The following DMD variants were observed in gnomAD, a reference collection of about 807,000 sequenced individuals.
DMD encodes the protein mutant dystrophin.
A neutral mutation model predicts 330.1 loss-of-function variants in DMD; 63 were observed. The ratio of observed to expected loss-of-function variants is 0.19; its 90% CI spans 0.16 to 0.24. DMD has a LOEUF of 0.24. Ranked by LOEUF, DMD falls within the 10% of genes least tolerant of loss-of-function variation. The probability of loss-of-function intolerance (pLI) is 1.00; values close to 1 mark genes in which losing one functional copy is unlikely to be tolerated. For missense variants in DMD, 3,344 were observed against 2,684.1 expected, an observed-to-expected ratio of 1.25 and a Z score of -5.43; for synonymous variants, 1,223 against 959.8, an observed-to-expected ratio of 1.27 and a Z score of -5.07.
At chrX:31,797,080 T>C (rs1238107425) in intron 50 of DMD, among the ~76,000 whole-genome samples, 3 of 111,375 alleles carry the variant, frequency 2.7e-5, no homozygotes, top group Non-Finnish European at 5.6e-5. Flanking sequence ...TATAGCAACA[T>C]ACATGAACAA....
intron 77 of DMD, among the ~76,000 whole-genome samples, chrX:31,128,611 T>C (rs2034060108): frequency 8.9e-6 from 1 of 112,360 alleles, no homozygotes; most frequent in South Asian, 3.7e-4. Context: ...CTTTAGTAAT[T>C]CTACACTAAG....
At chrX:31,847,427 T>G (rs1603495928) in intron 48 of DMD, among the ~76,000 whole-genome samples, 1 of 111,750 alleles carries the variant, frequency 8.9e-6, no homozygotes, top group African/African-American at 3.2e-5. Context: ...TCACTACATT[T>G]ATTTGCAGGT....
intron 40 of DMD, chrX:32,342,803 C>A (rs780028574): frequency 2.8e-6 from 1 of 360,433 alleles, no homozygotes; most frequent in Non-Finnish European, 5.2e-6. Flanking sequence ...AATGAATGGG[C>A]TAACATGAGT....
At chrX:31,529,598 C>T (rs1164171616) in intron 55 of DMD, among the ~76,000 whole-genome samples, 3 of 111,033 alleles carry the variant, frequency 2.7e-5, no homozygotes, top group African/African-American at 9.8e-5. Context: ...CGTTCTCTTT[C>T]TGCCTGGGGT....
intron 64 of DMD, among the ~76,000 whole-genome samples, chrX:31,219,244 A>G (rs752721142): frequency 9.0e-6 from 1 of 110,630 alleles, no homozygotes; most frequent in African/African-American, 3.3e-5. Context: ...CTTTTGCCCA[A>G]ATCCTCACTT....
At chrX:31,561,849 G>A (rs962370117) in intron 55 of DMD, among the ~76,000 whole-genome samples, 13 of 111,315 alleles carry the variant, frequency 1.2e-4, no homozygotes, top group African/African-American at 3.9e-4. Flanking sequence ...TTATCTTATC[G>A]TCCTTGTCCA....
At position 32,495,418 on chromosome X, in the gene DMD, G is replaced by C. The variant is rs2043394733; in HGVS notation, c.2381-3900C>G. Among the ~76,000 whole-genome samples the C allele has an allele frequency of 4.5e-5, 5 of 111,633 alleles. No homozygotes were observed. The South Asian group carries it at 1.9e-3, about 42-fold the overall frequency. On this transcript the variant is annotated intron_variant, in intron 19 of 78. Transcript: ENST00000357033. The stretch of plus-strand genomic sequence containing the variant: ...GAAGCCAAAAGCCATACACAAACAA[G>C]CACACAATCTCTCTTGTATCAAATT...
Position 32,675,049 on chromosome X carries a change from T to C in DMD, c.960+22821A>G, listed in dbSNP as rs746757890. The stretch of plus-strand genomic sequence containing the variant: ...TCATCTTCAGTGCCGAATGTTCTGA[T>C]TTCAAATTCAATGTTCAATTGCTCA... On this transcript the variant is annotated intron_variant, in intron 9 of 78. Coordinates refer to ENST00000357033, the MANE Select transcript of DMD (RefSeq NM_004006.3). Among the ~76,000 whole-genome samples, 6 of 111,870 alleles carry C rather than the reference T, an allele frequency of 5.4e-5. No individual in the cohort carries two copies. In the South Asian group the frequency reaches 1.5e-3, roughly 27 times the overall value.
intron 18 of DMD, among the ~76,000 whole-genome samples, chrX:32,504,223 G>A (rs183420869): frequency 7.1e-5 from 8 of 111,899 alleles, no homozygotes; most frequent in African/African-American, 2.6e-4. Context: ...TTATTCACTG[G>A]ATCAACTTCA....
At chrX:32,474,633 T>A (rs2041035200) in intron 21 of DMD, among the ~76,000 whole-genome samples, 1 of 112,250 alleles carries the variant, frequency 8.9e-6, no homozygotes, top group Non-Finnish European at 1.9e-5. Context: ...CATTTTTTCA[T>A]AAGTTTGTTG....
chrX:31,154,261 C>T (rs934643261), intron 74 of DMD, among the ~76,000 whole-genome samples: 4 of 110,540 alleles, frequency 3.6e-5, no homozygotes, highest in African/African-American at 1.3e-4. Flanking sequence ...AGTTACTGTT[C>T]CAAGGTAAGT....
rs1473168600 is a variant in DMD, at chrX:32,475,020, G to C, written c.2804-2711C>G. Among the ~76,000 whole-genome samples, 3 of 111,180 alleles carry C rather than the reference G, an allele frequency of 2.7e-5. No homozygotes were observed. In the East Asian group the frequency reaches 8.5e-4, roughly 31 times the overall value. On this transcript the variant is annotated intron_variant, in intron 21 of 78. Transcript: ENST00000357033. Reference sequence around the variant, plus strand: ...GGTTTAAGTCTTTAAACCATCTTTAGTTGGTTTTTGTATAATGTGAGAGAT... The same window carrying C: ...GGTTTAAGTCTTTAAACCATCTTTACTTGGTTTTTGTATAATGTGAGAGAT...
Position 33,249,582 on chromosome X carries a change from C to T in DMD, c.7+89677G>A, listed in dbSNP as rs183299232. Reference sequence around the variant, plus strand: ...TACTTACGACATTATGTTAAAGATACATTGCACTCTTGGCCTGCCCATTTT... The same window carrying T: ...TACTTACGACATTATGTTAAAGATATATTGCACTCTTGGCCTGCCCATTTT... On this transcript the variant is annotated intron_variant, in intron 1 of 17. Coordinates refer to the DMD transcript ENST00000288447. 5.4e-5 allele frequency among the ~76,000 whole-genome samples: 6 copies of T among 111,807 alleles called. No individual in the cohort carries two copies. The East Asian group carries it at 1.4e-3, about 26-fold the overall frequency.
At chrX:32,505,036 C>T (rs1191868416) in intron 18 of DMD, among the ~76,000 whole-genome samples, 1 of 112,046 alleles carries the variant, frequency 8.9e-6, no homozygotes, top group Non-Finnish European at 1.9e-5. Context: ...CAATCACAGA[C>T]TCTAGAGTAA....
intron 2 of DMD, among the ~76,000 whole-genome samples, chrX:32,905,462 A>T (rs1437819687): frequency 9.0e-6 from 1 of 111,506 alleles, no homozygotes; most frequent in Non-Finnish European, 1.9e-5. Context: ...GTTGGGGCTG[A>T]GTCTTTCTTT....
intron 44 of DMD, among the ~76,000 whole-genome samples, chrX:32,091,329 C>T (rs1220208707): frequency 9.0e-6 from 1 of 111,412 alleles, no homozygotes; most frequent in Non-Finnish European, 1.9e-5. Flanking sequence ...ATATTTTTTT[C>T]AGTGATAAGC....
intron 37 of DMD, among the ~76,000 whole-genome samples, chrX:32,349,387 A>C (rs1290217968): frequency 9.0e-6 from 1 of 111,648 alleles, no homozygotes; most frequent in Non-Finnish European, 1.9e-5. Context: ...ACACTAGAAC[A>C]TATTTTATAT....
chrX:31,516,960 T>C (rs1284861581), intron 55 of DMD, among the ~76,000 whole-genome samples: 1 of 111,344 alleles, frequency 9.0e-6, no homozygotes, highest in African/African-American at 3.3e-5. Flanking sequence ...ACGTGATGCT[T>C]TCTCTCCTTG....
intron 45 of DMD, among the ~76,000 whole-genome samples, chrX:31,966,163 A>T (rs2095349191): frequency 9.0e-6 from 1 of 111,255 alleles, no homozygotes; most frequent in African/African-American, 3.3e-5. Context: ...AATAACTTCT[A>T]TTCCCTTCTA....
Sources: allele counts gnomAD v4.1 joint callset (sites outside exome capture counted in the v4.1 genomes callset), GRCh38; gene constraint gnomAD v4.1.1; transcripts MANE v1.5; gene names NCBI Gene and HGNC (gene_info 2026-07-23, HGNC 2026-07-21).